Variants in CEP85L observed in about 807,000 individuals in gnomAD.
CEP85L encodes the protein centrosomal protein 85L.
Under a neutral mutation model 100.3 loss-of-function variants are expected in CEP85L, and 60 were observed. That is an observed-to-expected ratio of 0.60 (90% CI 0.49 to 0.74). The LOEUF (loss-of-function observed/expected upper bound fraction) is 0.74. Ranked by LOEUF, CEP85L falls within the 30% of genes least tolerant of loss-of-function variation. The probability of loss-of-function intolerance (pLI) is 0.00; values close to 1 mark genes in which losing one functional copy is unlikely to be tolerated. For missense variants in CEP85L, 973 were observed against 936.2 expected (o/e 1.04, Z -0.51); for synonymous variants, 319 against 322.7 (o/e 0.99, Z 0.12).
chr6:118,655,209 G>T (rs2115396353), upstream of CEP85L, among the ~76,000 whole-genome samples: 1 of 152,296 alleles, frequency 6.6e-6, no homozygotes, highest in South Asian at 2.1e-4. Context: ...CTTATCTCAA[G>T]TCCCTGATTC....
intron 1 of CEP85L, among the ~76,000 whole-genome samples, chr6:118,706,282 C>A (rs1028753599): frequency 1.3e-5 from 2 of 152,168 alleles, no homozygotes; most frequent in African/African-American, 4.8e-5. Context: ...AGAAATGAAG[C>A]TGATGCATTT....
Position 118,491,696 on chromosome 6 carries a change from A to G in CEP85L, c.1427T>C (p.Leu476Pro). 6.2e-7 allele frequency: 1 copy of G among 1,610,908 alleles called. No individual in the cohort carries two copies. Among genetic ancestry groups the G allele is most frequent in the Non-Finnish European group, 8.5e-7 (1 of 1,178,802 alleles). The change falls in exon 6 of 13, where the codon CTA (leucine) becomes CCA (proline). Residue 476 changes from leucine to proline, a missense_variant. By Grantham distance (98) the Leu-to-Pro change is moderately conservative. Around this residue, in one of 3 missense-constraint regions of CEP85L, gnomAD observed 890 missense variants for 844.5 expected, o/e 1.05. Coordinates refer to ENST00000368491, the MANE Select transcript of CEP85L (RefSeq NM_001042475.3). ...LSLFSEEKKK[L>P]EEKLKTRDRY... ...ATTAGAAAAACCTACTTTTTCCTCTAGTTTCTTCTTCTCTTCACTAAATAG... is the reference window on the plus strand; with the variant it reads ...ATTAGAAAAACCTACTTTTTCCTCTGGTTTCTTCTTCTCTTCACTAAATAG...
At chr6:118,594,070 CG>C (rs769357153) in intron 2 of CEP85L, among the ~76,000 whole-genome samples, 66 of 152,246 alleles carry the variant, frequency 4.3e-4, no homozygotes, top group Middle Eastern at 3.4e-3. Context: ...CTTCGCCTAT[CG>C]TAACGCTCCT....
At chr6:118,476,838 A>T (rs1052318937) in intron 10 of CEP85L, among the ~76,000 whole-genome samples, 1 of 152,218 alleles carries the variant, frequency 6.6e-6, no homozygotes, top group African/African-American at 2.4e-5. Context: ...GGCCATTTAA[A>T]TGCCTAAGTT....
At chr6:118,602,704 T>G (rs1781846135) in intron 2 of CEP85L, among the ~76,000 whole-genome samples, 1 of 152,246 alleles carries the variant, frequency 6.6e-6, no homozygotes, top group African/African-American at 2.4e-5. Context: ...CCGATATGCT[T>G]TATAAAACTT....
chr6:118,701,207 C>T (rs1327752527), intron 1 of CEP85L, among the ~76,000 whole-genome samples: 2 of 152,188 alleles, frequency 1.3e-5, no homozygotes, highest in Non-Finnish European at 2.9e-5. Flanking sequence ...AGTTCAGCCA[C>T]TGTGGAAAGG....
chr6:118,471,922 T>C (rs9481810), intron 10 of CEP85L, among the ~76,000 whole-genome samples: 2,002 of 152,078 alleles, frequency 0.013, 50 homozygotes, highest in African/African-American at 0.045. Flanking sequence ...CTATCCTTTC[T>C]GGCCTAACAA....
intron 2 of CEP85L, among the ~76,000 whole-genome samples, chr6:118,612,685 GGGGGGGGGA>G (rs1772723603): frequency 1.4e-4 from 6 of 42,154 alleles, no homozygotes; most frequent in Non-Finnish European, 1.8e-4. Context: ...GCGGGGGGGG[GGGGGGGGGA>G]CTCTCAAATC....
intron 2 of CEP85L, among the ~76,000 whole-genome samples, chr6:118,580,230 C>A (rs535882486): frequency 6.6e-6 from 1 of 152,310 alleles, no homozygotes; most frequent in South Asian, 2.1e-4. Context: ...TAAACTCTCT[C>A]CGCTCCTTAA....
chr6:118,485,471 T>C (rs1352736886), intron 6 of CEP85L, among the ~76,000 whole-genome samples: 1 of 152,218 alleles, frequency 6.6e-6, no homozygotes, highest in African/African-American at 2.4e-5. Context: ...TGACCTCTGG[T>C]AAGGAGCAAC....
In CEP85L at chr6:118,709,837, T is replaced by A. The variant is rs1206302320; in HGVS notation, c.-28+199A>T. On this transcript the variant is annotated intron_variant, in intron 1 of 13. Transcript: ENST00000368488. ...AAGGACACCATCATAGCAATCTAGA[T>A]CCGAGTACTTTTCCTCTGTTGCAGG... 3.3e-5 allele frequency among the ~76,000 whole-genome samples: 5 copies of A among 152,250 alleles called. No individual in the cohort carries two copies. The East Asian group carries it at 9.7e-4, about 29-fold the overall frequency.
Position 118,566,266 on chromosome 6 carries a change from T to C in CEP85L, c.283A>G (p.Ile95Val). 2 of 1,614,088 alleles carry C rather than the reference T, an allele frequency of 1.2e-6. No individual in the cohort carries two copies. The highest frequency in any genetic ancestry group is 1.7e-6 in the Non-Finnish European group (2 of 1,179,988). Residue 95 changes from isoleucine to valine, a missense_variant, in exon 3 of 13, where the codon ATT (isoleucine) becomes GTT (valine). Coordinates refer to ENST00000368491, the MANE Select transcript of CEP85L (RefSeq NM_001042475.3). ...TLSFKPSQSL[I>V]TLPTAHVMPS... Reference sequence around the variant, plus strand: ...ATCACATGGGCAGTAGGAAGAGTAATCAATGATTGACTAGGCTTAAAAGAT... The same window carrying C: ...ATCACATGGGCAGTAGGAAGAGTAACCAATGATTGACTAGGCTTAAAAGAT...
chr6:118,517,882 T>C (rs1195923750), intron 4 of CEP85L, among the ~76,000 whole-genome samples: 1 of 152,226 alleles, frequency 6.6e-6, no homozygotes, highest in Non-Finnish European at 1.5e-5. Flanking sequence ...TTGTCATAAA[T>C]AGCTCTTATT....
chr6:118,534,035 C>G (rs1777444401), intron 3 of CEP85L, among the ~76,000 whole-genome samples: 1 of 151,202 alleles, frequency 6.6e-6, no homozygotes, highest in Non-Finnish European at 1.5e-5. Context: ...GCGGAGGTTA[C>G]AGTGAGCTGA....
chr6:118,534,400 C>T (rs1260002335), intron 3 of CEP85L, among the ~76,000 whole-genome samples: 1 of 152,056 alleles, frequency 6.6e-6, no homozygotes, highest in East Asian at 1.9e-4. Flanking sequence ...CACCTGTAAT[C>T]CCAGCACTTT....
At chr6:118,519,778 T>C (rs1776551404) in intron 4 of CEP85L, among the ~76,000 whole-genome samples, 2 of 152,018 alleles carry the variant, frequency 1.3e-5, no homozygotes, top group South Asian at 4.1e-4. Flanking sequence ...TAAAAAATAC[T>C]AGTTGTACAC....
chr6:118,665,637 G>A (rs1278353039), intron 1 of CEP85L, among the ~76,000 whole-genome samples: 1 of 152,080 alleles, frequency 6.6e-6, no homozygotes, highest in Non-Finnish European at 1.5e-5. Context: ...GGAATTACAG[G>A]TGTGAGCCAT....
chr6:118,505,346 C>T lies in CEP85L; in HGVS notation c.1257+5952G>A, dbSNP rs1399670914. Among the ~76,000 whole-genome samples the T allele has an allele frequency of 2.2e-4, 28 of 129,522 alleles. No individual in the cohort carries two copies. In the Admixed American group the frequency reaches 2.5e-3, roughly 12 times the overall value. The allele number at this position is 129,522 out of a possible 152,430, so 85.0% of individuals were successfully genotyped here. Reference sequence around the variant, plus strand: ...ATCCCAGCTACTCAGGAGGCTGAGGCAGGAGAATTGCTTGAACCCAGGAGG... The same window carrying T: ...ATCCCAGCTACTCAGGAGGCTGAGGTAGGAGAATTGCTTGAACCCAGGAGG... On this transcript the variant is annotated intron_variant, in intron 5 of 12. Coordinates refer to ENST00000368491, the MANE Select transcript of CEP85L (RefSeq NM_001042475.3).
chr6:118,685,695 C>T (rs1203846143), intron 1 of CEP85L, among the ~76,000 whole-genome samples: 1 of 152,106 alleles, frequency 6.6e-6, no homozygotes, highest in South Asian at 2.1e-4. Context: ...AATATGCCCC[C>T]AATCCTGTTC....
Sources: allele counts gnomAD v4.1 joint callset (sites outside exome capture counted in the v4.1 genomes callset), GRCh38; gene constraint gnomAD v4.1.1; regional missense constraint gnomAD v4.1.1; transcripts MANE v1.5; gene names NCBI Gene and HGNC (gene_info 2026-07-23, HGNC 2026-07-21).